Variants in LRRC4C observed in about 807,000 individuals in gnomAD.
LRRC4C encodes the protein leucine rich repeat containing 4C.
In LRRC4C, 5 loss-of-function variants were observed where a neutral mutation model predicts 33.6. That is an observed-to-expected ratio of 0.15 (90% CI 0.08 to 0.31). The LOEUF is 0.31. LRRC4C is among the 10% of genes least tolerant of loss of function. The pLI is 1.00. For synonymous variants in LRRC4C, 329 were observed against 302.0 expected (o/e 1.09, Z -0.93); for missense variants, 560 against 796.7 (o/e 0.70, Z 3.58).
chr11:40,814,628 AT>A (rs1304436042), intron 2 of LRRC4C, among the ~76,000 whole-genome samples: 1 of 150,540 alleles, frequency 6.6e-6, no homozygotes, highest in African/African-American at 2.5e-5. Flanking sequence ...TTTCTATTGC[AT>A]TGTCATCTGC....
At chr11:41,409,894 TG>T (rs1220586935) in intron 1 of LRRC4C, among the ~76,000 whole-genome samples, 4 of 152,244 alleles carry the variant, frequency 2.6e-5, no homozygotes, top group Non-Finnish European at 5.9e-5. Context: ...TGGCTACTTT[TG>T]TGTGTTTTTT....
intron 1 of LRRC4C, among the ~76,000 whole-genome samples, chr11:41,419,750 T>C (rs893884063): frequency 6.6e-6 from 1 of 151,890 alleles, no homozygotes; most frequent in Non-Finnish European, 1.5e-5. Flanking sequence ...ATGTACCACA[T>C]GCAAAAATGG....
intron 1 of LRRC4C, among the ~76,000 whole-genome samples, chr11:41,356,780 T>C (rs1952177067): frequency 6.6e-6 from 1 of 152,148 alleles, no homozygotes; most frequent in African/African-American, 2.4e-5. Flanking sequence ...ACCGATGAAC[T>C]TTCTACAATT....
intron 3 of LRRC4C, among the ~76,000 whole-genome samples, chr11:40,335,504 A>G (rs1946557269): frequency 1.3e-5 from 2 of 152,224 alleles, no homozygotes; most frequent in Non-Finnish European, 2.9e-5. Context: ...ATGGATTCTA[A>G]TTGTATTTAC....
intron 1 of LRRC4C, among the ~76,000 whole-genome samples, chr11:41,018,182 C>T (rs951456002): frequency 1.1e-4 from 17 of 151,934 alleles, no homozygotes; most frequent in Non-Finnish European, 2.1e-4. Context: ...AAAAATCTTC[C>T]CTGCCCCAAA....
intron 1 of LRRC4C, among the ~76,000 whole-genome samples, chr11:40,961,717 G>A (rs1426886373): frequency 6.6e-6 from 1 of 151,420 alleles, no homozygotes; most frequent in African/African-American, 2.4e-5. Context: ...AGAATGAGTG[G>A]GGGAAATTTC....
chr11:40,461,441 G>A (rs912664166), intron 3 of LRRC4C, among the ~76,000 whole-genome samples: 2 of 151,816 alleles, frequency 1.3e-5, no homozygotes, highest in Non-Finnish European at 2.9e-5. Flanking sequence ...CTATAAAGTG[G>A]GTATAATTTT....
At chr11:41,316,878 C>T (rs534441252) in intron 1 of LRRC4C, among the ~76,000 whole-genome samples, 2 of 152,304 alleles carry the variant, frequency 1.3e-5, no homozygotes, top group African/African-American at 4.8e-5. Flanking sequence ...AATGAAACCA[C>T]AAGGCTGGTT....
chr11:40,869,842 T>G (rs1954546677), intron 2 of LRRC4C, among the ~76,000 whole-genome samples: 1 of 152,156 alleles, frequency 6.6e-6, no homozygotes, highest in Admixed American at 6.6e-5. Flanking sequence ...ATACTTTCCT[T>G]TGTGTTATTC....
chr11:41,456,625 A>G (rs1222755617), intron 1 of LRRC4C, among the ~76,000 whole-genome samples: 1 of 152,146 alleles, frequency 6.6e-6, no homozygotes, highest in Non-Finnish European at 1.5e-5. Flanking sequence ...TCATTCTTTT[A>G]AAAATATAAC....
chr11:41,401,465 C>T (rs1954023148), intron 1 of LRRC4C, among the ~76,000 whole-genome samples: 1 of 139,258 alleles, frequency 7.2e-6, no homozygotes, highest in African/African-American at 2.4e-5. Flanking sequence ...AGTTTACAAG[C>T]ATAACTAAAG....
At chr11:40,689,378 T>G (rs781645615) in intron 2 of LRRC4C, among the ~76,000 whole-genome samples, 41 of 152,032 alleles carry the variant, frequency 2.7e-4, no homozygotes, top group Non-Finnish European at 5.9e-4. Flanking sequence ...AAATGGTATT[T>G]TAATGTCTAC....
intron 2 of LRRC4C, among the ~76,000 whole-genome samples, chr11:40,807,476 T>A (rs111900280): frequency 0.28 from 42,253 of 152,000 alleles, 8,703 homozygotes; most frequent in African/African-American, 0.58. Context: ...GAAACAGCTT[T>A]ACTCCAACAT....
chr11:41,173,281 G>T (rs931232504), intron 1 of LRRC4C, among the ~76,000 whole-genome samples: 1 of 152,068 alleles, frequency 6.6e-6, no homozygotes, highest in Non-Finnish European at 1.5e-5. Flanking sequence ...TAGCTAACAT[G>T]AATAATTGAA....
At chr11:41,145,471 A>C (rs948182527) in intron 1 of LRRC4C, among the ~76,000 whole-genome samples, 1 of 118,170 alleles carries the variant, frequency 8.5e-6, no homozygotes, top group Non-Finnish European at 2.0e-5. Context: ...TTTATAAATA[A>C]GGTTTTATTG....
intron 3 of LRRC4C, among the ~76,000 whole-genome samples, chr11:40,514,236 A>G (rs1261556361): frequency 2.6e-5 from 4 of 152,198 alleles, no homozygotes; most frequent in African/African-American, 9.7e-5. Context: ...AACAAAATTA[A>G]GAGGTTAATA....
At position 41,453,610 on chromosome 11, in the gene LRRC4C, C is replaced by A. The variant is rs185838677; in HGVS notation, c.-496+5821G>T. On this transcript the variant is annotated intron_variant, in intron 1 of 6. Transcript: ENST00000528697. ...TTGGGGCAAATAAATCCTTTGTTTG[C>A]CTTATCTGTAGTATGGGAATAATAA... 5.6e-3 allele frequency among the ~76,000 whole-genome samples: 848 copies of A among 151,748 alleles called. 11 individuals carry two copies. The highest frequency in any genetic ancestry group is 0.02 in the African/African-American group (822 of 41,396).
At chr11:40,778,527 G>GA (rs369360787) in intron 2 of LRRC4C, among the ~76,000 whole-genome samples, 34 of 152,186 alleles carry the variant, frequency 2.2e-4, no homozygotes, top group African/African-American at 7.9e-4. Context: ...ATACTTTAAT[G>GA]AAAAAACAAT....
At chr11:40,700,933 C>T (rs1323266451) in intron 2 of LRRC4C, among the ~76,000 whole-genome samples, 1 of 152,172 alleles carries the variant, frequency 6.6e-6, no homozygotes, top group African/African-American at 2.4e-5. Context: ...TGACTTCGCT[C>T]TTTCCAACTC....
Sources: allele counts gnomAD v4.1 joint callset (sites outside exome capture counted in the v4.1 genomes callset), GRCh38; gene constraint gnomAD v4.1.1; transcripts MANE v1.5; gene names NCBI Gene and HGNC (gene_info 2026-07-23, HGNC 2026-07-21).